The following GPC6 variants were observed in gnomAD, a reference collection of about 807,000 sequenced individuals.
The protein encoded by GPC6 is glypican 6, also known as glypican-6.
A neutral mutation model predicts 55.2 loss-of-function variants in GPC6; 14 were observed. The observed-to-expected ratio is 0.25, with a 90% CI of 0.17 to 0.40. The LOEUF (loss-of-function observed/expected upper bound fraction) is 0.40, where lower values mean the gene tolerates loss of function less well. Ranked by LOEUF, GPC6 falls within the 10% of genes least tolerant of loss-of-function variation. The pLI is 1.00. For missense variants in GPC6, 641 were observed against 708.5 expected, an observed-to-expected ratio of 0.90 and a Z score of 1.08; for synonymous variants, 278 against 259.6, an observed-to-expected ratio of 1.07 and a Z score of -0.68.
intron 1 of GPC6, among the ~76,000 whole-genome samples, chr13:93,355,877 G>A (rs1880831529): frequency 6.6e-6 from 1 of 152,092 alleles, no homozygotes; most frequent in Admixed American, 6.5e-5. Context: ...AGACATGGCA[G>A]GATGTGAGAA....
intron 5 of GPC6, among the ~76,000 whole-genome samples, chr13:94,303,073 C>G (rs564414109): frequency 6.6e-6 from 1 of 152,332 alleles, no homozygotes; most frequent in African/African-American, 2.4e-5. Context: ...GGGTCTGCAA[C>G]GGCAGCAAAC....
chr13:94,346,719 CAA>C (rs35478457), intron 6 of GPC6, among the ~76,000 whole-genome samples: 36 of 114,040 alleles, frequency 3.2e-4, no homozygotes, highest in Admixed American at 2.8e-4. Flanking sequence ...AGACTCCTCT[CAA>C]AAAAAAAAAA....
intron 6 of GPC6, among the ~76,000 whole-genome samples, chr13:94,309,805 C>G (rs1277237558): frequency 6.6e-6 from 1 of 152,160 alleles, no homozygotes; most frequent in African/African-American, 2.4e-5. Context: ...ACAGAGTCAT[C>G]CTACCATCAC....
At chr13:93,717,257 A>G (rs145461989) in intron 2 of GPC6, among the ~76,000 whole-genome samples, 1 of 151,740 alleles carries the variant, frequency 6.6e-6, no homozygotes, top group African/African-American at 2.4e-5. Context: ...TATAAATAAA[A>G]GGTCCAGTTT....
At chr13:93,218,224 T>A in the GPC6 span, among the ~76,000 whole-genome samples, 3 of 151,946 alleles carry the variant, frequency 2.0e-5, no homozygotes, top group African/African-American at 7.3e-5. Flanking sequence ...GAAGTTAATA[T>A]AGAAGCAAGT....
In GPC6 at chr13:94,012,162, A is replaced by C. The variant is rs58978892; in HGVS notation, c.712-15567A>C. The stretch of plus-strand genomic sequence containing the variant: ...CCATGGAAGTTTCCAAGTAATGTTC[A>C]CTTCTTTGCTAATGACAGTTCATGG... On this transcript the variant is annotated intron_variant, in intron 3 of 8. Coordinates refer to ENST00000377047, the MANE Select transcript of GPC6 (RefSeq NM_005708.5). Among the ~76,000 whole-genome samples the C allele has an allele frequency of 9.0e-3, 1,373 of 152,250 alleles. 23 individuals carry two copies. Among genetic ancestry groups the C allele is most frequent in the African/African-American group, 0.03 (1,248 of 41,548 alleles).
At chr13:93,635,372 A>G (rs192266453) in intron 2 of GPC6, among the ~76,000 whole-genome samples, 1 of 152,318 alleles carries the variant, frequency 6.6e-6, no homozygotes, top group Admixed American at 6.5e-5. Flanking sequence ...TGAGCCTCCA[A>G]TCATTGCAAA....
At chr13:93,854,988 C>T (rs1396888361) in intron 3 of GPC6, among the ~76,000 whole-genome samples, 2 of 151,592 alleles carry the variant, frequency 1.3e-5, no homozygotes, top group African/African-American at 4.8e-5. Context: ...ATGTCCCCAC[C>T]AGAGTGGCAC....
intron 1 of GPC6, among the ~76,000 whole-genome samples, chr13:93,544,160 C>G (rs1406152022): frequency 6.6e-6 from 1 of 151,556 alleles, no homozygotes; most frequent in African/African-American, 2.4e-5. Flanking sequence ...AAAAAAATGA[C>G]TTCAAAACAG....
chr13:93,273,561 G>C (rs1877619833), intron 1 of GPC6, among the ~76,000 whole-genome samples: 1 of 152,044 alleles, frequency 6.6e-6, no homozygotes, highest in Non-Finnish European at 1.5e-5. Flanking sequence ...GGGAGGCTGA[G>C]GCAGGAGAAT....
At chr13:94,143,991 GC>G (rs1887471235) in intron 4 of GPC6, among the ~76,000 whole-genome samples, 1 of 152,148 alleles carries the variant, frequency 6.6e-6, no homozygotes, top group South Asian at 2.1e-4. Context: ...CTTTATAGGC[GC>G]ATATTTTGTT....
At chr13:94,099,152 G>A (rs1457805052) in intron 4 of GPC6, among the ~76,000 whole-genome samples, 1 of 152,084 alleles carries the variant, frequency 6.6e-6, no homozygotes, top group African/African-American at 2.4e-5. Context: ...TTTTATAGCA[G>A]ACTCATTGTA....
At chr13:93,795,216 G>A (rs897487113) in intron 2 of GPC6, among the ~76,000 whole-genome samples, 3 of 152,160 alleles carry the variant, frequency 2.0e-5, no homozygotes, top group Non-Finnish European at 4.4e-5. Context: ...GTGGGGAGAT[G>A]TGCTGTGCTA....
At chr13:94,086,477 TAA>T (rs11323195) in intron 4 of GPC6, among the ~76,000 whole-genome samples, 301 of 149,102 alleles carry the variant, frequency 2.0e-3, no homozygotes, top group East Asian at 2.2e-3. Context: ...TGTACATGAC[TAA>T]AAAAAAAAAA....
chr13:94,144,404 A>AACACACACACACACACAC (rs59772537), intron 4 of GPC6, among the ~76,000 whole-genome samples: 11 of 143,328 alleles, frequency 7.7e-5, no homozygotes, highest in South Asian at 2.4e-4. Flanking sequence ...GTGCTTTTAA[A>AACACACACACACACACAC]ACACACACAC....
chr13:93,410,610 A>G (rs973695654), intron 1 of GPC6, among the ~76,000 whole-genome samples: 3 of 152,154 alleles, frequency 2.0e-5, no homozygotes, highest in African/African-American at 7.2e-5. Flanking sequence ...CGACAAGTCA[A>G]TTTTCTTTTT....
At chr13:93,339,423 A>C (rs1176335689) in intron 1 of GPC6, among the ~76,000 whole-genome samples, 1 of 150,084 alleles carries the variant, frequency 6.7e-6, no homozygotes, top group Non-Finnish European at 1.5e-5. Context: ...TCAAGTGCTC[A>C]TTTATTATCT....
chr13:93,286,274 G>A (rs762889040), intron 1 of GPC6, among the ~76,000 whole-genome samples: 2 of 152,118 alleles, frequency 1.3e-5, no homozygotes, highest in Non-Finnish European at 2.9e-5. Context: ...AGAACAGGAT[G>A]GGAAAAGCTG....
chr13:94,223,766 A>G (rs764829476), intron 4 of GPC6, among the ~76,000 whole-genome samples: 9 of 152,172 alleles, frequency 5.9e-5, no homozygotes, highest in Non-Finnish European at 1.2e-4. Flanking sequence ...CACAGCAAGG[A>G]TGCAATCCCC....
Sources: allele counts gnomAD v4.1 joint callset (sites outside exome capture counted in the v4.1 genomes callset), GRCh38; gene constraint gnomAD v4.1.1; transcripts MANE v1.5; gene names NCBI Gene and HGNC (gene_info 2026-07-23, HGNC 2026-07-21).